GMPS: variants seen among roughly 807,000 people sequenced by gnomAD.
GMPS encodes guanosine monophosphate synthase.
Under a neutral mutation model 77.9 loss-of-function variants are expected in GMPS, and 15 were observed. That is an observed-to-expected ratio of 0.19 (90% CI 0.13 to 0.30). GMPS has a LOEUF of 0.30. Ranked by LOEUF, GMPS falls within the 10% of genes least tolerant of loss-of-function variation. The pLI, the probability that GMPS is intolerant of heterozygous loss-of-function variation, is 1.00. For synonymous variants in GMPS, 224 were observed against 275.9 expected, an observed-to-expected ratio of 0.81 and a Z score of 1.86; for missense variants, 590 against 838.8, an observed-to-expected ratio of 0.70 and a Z score of 3.66.
chr3:155,877,444 AT>A (rs1477840834), intron 1 of GMPS, among the ~76,000 whole-genome samples: 1 of 152,056 alleles, frequency 6.6e-6, no homozygotes, highest in Non-Finnish European at 1.5e-5. Flanking sequence ...GTATTCACAG[AT>A]TTGTACAACC....
intron 13 of GMPS, among the ~76,000 whole-genome samples, chr3:155,933,426 A>G (rs1755678840): frequency 6.6e-6 from 1 of 152,208 alleles, no homozygotes; most frequent in African/African-American, 2.4e-5. Context: ...GTAAGAAATG[A>G]GAAGGTGAAA....
intron 1 of GMPS, among the ~76,000 whole-genome samples, chr3:155,888,023 A>G (rs1560038218): frequency 6.6e-6 from 1 of 152,112 alleles, no homozygotes; most frequent in Non-Finnish European, 1.5e-5. Context: ...ATGTGAGATG[A>G]TGGCCTCTTA....
At chr3:155,927,014 TAAAAAAA>T (rs199726862) in intron 12 of GMPS, among the ~76,000 whole-genome samples, 1 of 143,186 alleles carries the variant, frequency 7.0e-6, no homozygotes, top group Non-Finnish European at 1.5e-5. Flanking sequence ...AACTCCTTCT[TAAAAAAA>T]AAAAAAAATT....
At position 155,891,788 on chromosome 3, in the gene GMPS, T is replaced by G. The variant is rs1754473751; in HGVS notation, c.28-1730T>G. Among the ~76,000 whole-genome samples, 3 of 151,992 alleles carry G rather than the reference T, an allele frequency of 2.0e-5. No homozygotes were observed. The South Asian group carries it at 6.2e-4, about 32-fold the overall frequency. On this transcript the variant is annotated intron_variant, in intron 1 of 15. Coordinates refer to ENST00000496455, the MANE Select transcript of GMPS (RefSeq NM_003875.3). ...TGCCTGGCTAATTTTGTGTTTTTAG[T>G]AGAGGCAGGGTTTTTCCATGTTGGT...
At chr3:155,870,480 T>G, upstream of GMPS, 2 of 200,392 alleles carry the variant, frequency 1.0e-5, no homozygotes, top group Non-Finnish European at 1.0e-5. Flanking sequence ...CCCGGCCGGC[T>G]TTGCCGGCGG....
upstream of GMPS, chr3:155,870,402 G>T (rs1753870273): frequency 5.7e-6 from 1 of 174,456 alleles, no homozygotes; most frequent in South Asian, 2.0e-4. Context: ...GCTCCTCGGT[G>T]CGAGGGCAGG....
At chr3:155,936,624 T>A in intron 15 of GMPS, 114 bp downstream of exon 15, 1 of 635,154 alleles carries the variant, frequency 1.6e-6, no homozygotes, top group Non-Finnish European at 2.7e-6. Flanking sequence ...TTTCTGTTCA[T>A]AAGATAGGCT....
Position 155,899,736 on chromosome 3 carries a change from TC to T in GMPS, c.324+1697del, listed in dbSNP as rs370428705. On this transcript the variant is annotated intron_variant, in intron 3 of 15. Transcript: ENST00000496455. ...GTATTATACATTTTCGACTGCCCAATCCTTTGTGCTTTACCTGTTCATCCCC... is the reference window on the plus strand; with the variant it reads ...GTATTATACATTTTCGACTGCCCAATCTTTGTGCTTTACCTGTTCATCCCC... Among the ~76,000 whole-genome samples the T allele has an allele frequency of 7.9e-5, 12 of 152,360 alleles. No homozygotes were observed. In the East Asian group the frequency reaches 2.3e-3, roughly 29 times the overall value.
chr3:155,906,153 T>C lies in GMPS; in HGVS notation c.423-7T>C, dbSNP rs61750368. ...ATATTTGTGTGTTTTATTTTTTGTATGTTTAGGGGCCTTCAGAAGGAAGAA... is the reference window on the plus strand; with the variant it reads ...ATATTTGTGTGTTTTATTTTTTGTACGTTTAGGGGCCTTCAGAAGGAAGAA... On this transcript the variant is annotated splice_region_variant and splice_polypyrimidine_tract_variant and intron_variant, in intron 4 of 15. Coordinates refer to ENST00000496455, the MANE Select transcript of GMPS (RefSeq NM_003875.3). 89,845 of 1,498,038 alleles carry C rather than the reference T, an allele frequency of 0.06. 3,614 individuals carry two copies. The highest frequency in any genetic ancestry group is 0.17 in the East Asian group (7,125 of 42,772). 92.8% of individuals were successfully genotyped at this position (1,498,038 alleles called of 1,614,324 possible).
chr3:155,926,594 TA>T (rs895601406), intron 12 of GMPS, among the ~76,000 whole-genome samples: 9 of 150,204 alleles, frequency 6.0e-5, no homozygotes, highest in Admixed American at 1.3e-4. Context: ...AAATAAAAAA[TA>T]AAAAAAAAGA....
intron 2 of GMPS, among the ~76,000 whole-genome samples, chr3:155,896,360 A>G (rs774205627): frequency 3.3e-5 from 5 of 152,070 alleles, no homozygotes; most frequent in Admixed American, 6.6e-5. Context: ...CTTAGGGGTA[A>G]CCCCATCCCC....
chr3:155,905,785 T>C (rs527265259), intron 4 of GMPS, among the ~76,000 whole-genome samples: 6 of 152,210 alleles, frequency 3.9e-5, no homozygotes, highest in Non-Finnish European at 8.8e-5. Flanking sequence ...TACATAAGAC[T>C]ACCGAATGAA....
intron 3 of GMPS, among the ~76,000 whole-genome samples, chr3:155,902,028 T>A (rs1754748216): frequency 6.6e-6 from 1 of 152,190 alleles, no homozygotes; most frequent in Non-Finnish European, 1.5e-5. Context: ...AACTTTGACA[T>A]ATAAGAAAGA....
chr3:155,917,226 G>A (rs1403565145), intron 9 of GMPS, among the ~76,000 whole-genome samples: 1 of 152,120 alleles, frequency 6.6e-6, no homozygotes, highest in Non-Finnish European at 1.5e-5. Flanking sequence ...GCCTGCCTCT[G>A]CCTCCCAAAG....
At chr3:155,869,870 C>A (rs377195451), upstream of GMPS, among the ~76,000 whole-genome samples, 3 of 151,788 alleles carry the variant, frequency 2.0e-5, no homozygotes, top group East Asian at 3.9e-4. Flanking sequence ...ATACCCCAAT[C>A]TCGATTTAGG....
At chr3:155,916,842 A>G (rs1352526733) in intron 9 of GMPS, among the ~76,000 whole-genome samples, 1 of 152,204 alleles carries the variant, frequency 6.6e-6, no homozygotes, top group Non-Finnish European at 1.5e-5. Context: ...CTATTATTTA[A>G]AATGATGATA....
At chr3:155,905,350 G>A (rs532883092) in intron 4 of GMPS, among the ~76,000 whole-genome samples, 11 of 152,162 alleles carry the variant, frequency 7.2e-5, no homozygotes, top group Non-Finnish European at 1.2e-4. Flanking sequence ...TTTCCATAAC[G>A]TAAACAGTAT....
chr3:155,931,188 C>A (rs1560053771), intron 12 of GMPS, among the ~76,000 whole-genome samples: 1 of 144,834 alleles, frequency 6.9e-6, no homozygotes, highest in African/African-American at 2.5e-5. Context: ...ATGTTGAATA[C>A]TTTTTTTTTT....
intron 11 of GMPS, among the ~76,000 whole-genome samples, chr3:155,922,505 C>T (rs534281416): frequency 1.4e-4 from 21 of 152,248 alleles, no homozygotes; most frequent in African/African-American, 4.8e-4. Flanking sequence ...TATCCTGAGT[C>T]TCTAAAAATG....
Sources: gnomAD v4.1 joint callset for allele counts (sites outside exome capture counted in the v4.1 genomes callset) on GRCh38, gnomAD v4.1.1 for gene constraint, MANE v1.5 for transcripts, NCBI Gene and HGNC (gene_info 2026-07-23, HGNC 2026-07-21) for gene names.